Variants in ITGA8 observed in about 807,000 individuals in gnomAD.
The protein encoded by ITGA8 is integrin subunit alpha 8, also known as integrin alpha-8.
In ITGA8, 91 loss-of-function variants were observed where a neutral mutation model predicts 142.3. The ratio of observed to expected loss-of-function variants is 0.64; its 90% CI spans 0.54 to 0.76. The LOEUF is 0.76. Ranked by LOEUF, ITGA8 falls within the 30% of genes least tolerant of loss-of-function variation. The probability of loss-of-function intolerance (pLI) is 0.00; values close to 1 mark genes in which losing one functional copy is unlikely to be tolerated. For missense variants in ITGA8, 1,406 were observed against 1,327.7 expected, an observed-to-expected ratio of 1.06 and a Z score of -0.92; for synonymous variants, 505 against 485.2, an observed-to-expected ratio of 1.04 and a Z score of -0.54.
chr10:15,683,551 T>G (rs906461006), intron 4 of ITGA8, among the ~76,000 whole-genome samples: 1 of 152,140 alleles, frequency 6.6e-6, no homozygotes, highest in Non-Finnish European at 1.5e-5. Context: ...ATGCAGACAA[T>G]CTGCATACAC....
In ITGA8 at chr10:15,655,960, T is replaced by G. The variant is rs1467656066; in HGVS notation, c.949-554A>C. ...AGAATTAGCAGGGCATGGTGGCACG[T>G]GTAGTCCCAGCTAACTGTGGGGCTG... On this transcript the variant is annotated intron_variant, in intron 10 of 29. Coordinates refer to ENST00000378076, the MANE Select transcript of ITGA8 (RefSeq NM_003638.3). Among the ~76,000 whole-genome samples, 9 of 152,096 alleles carry G rather than the reference T, an allele frequency of 5.9e-5. No individual in the cohort carries two copies. In the East Asian group the frequency reaches 1.7e-3, roughly 29 times the overall value.
At chr10:15,634,574 C>T (rs2131637112) in intron 13 of ITGA8, among the ~76,000 whole-genome samples, 1 of 152,252 alleles carries the variant, frequency 6.6e-6, no homozygotes, top group Admixed American at 6.5e-5. Context: ...GTGCTGTATC[C>T]TCAACATCTA....
intron 20 of ITGA8, among the ~76,000 whole-genome samples, chr10:15,601,810 C>T (rs1460047215): frequency 6.6e-6 from 1 of 151,934 alleles, no homozygotes; most frequent in Non-Finnish European, 1.5e-5. Context: ...AATATTTTTC[C>T]CCTTGAGGAA....
chr10:15,541,229 C>T (rs1462997803), intron 27 of ITGA8, among the ~76,000 whole-genome samples: 1 of 151,888 alleles, frequency 6.6e-6, no homozygotes, highest in African/African-American at 2.4e-5. Flanking sequence ...CCCCTTTTTG[C>T]CACAAGCAGT....
At position 15,719,592 on chromosome 10, in the gene ITGA8, G is replaced by T; in HGVS notation, c.180C>A (p.Ala60=). ...GGGCGTCGGGTATGTGGAAGTCCAC[G>T]GCGTAGCCGAAGTAGCTGCCCTTGG... is the stretch of plus-strand genomic sequence containing the variant. ...SGPKGSYFGY[A]VDFHIPDART... The change falls in exon 1 of 30, where the codon GCC becomes GCA. Residue 60 remains alanine (A), a synonymous_variant. Transcript: ENST00000378076. 1.3e-6 allele frequency: 2 copies of T among 1,561,720 alleles called. No individual in the cohort carries two copies. Among genetic ancestry groups the T allele is most frequent in the Non-Finnish European group, 1.7e-6 (2 of 1,161,794 alleles).
intron 25 of ITGA8, among the ~76,000 whole-genome samples, chr10:15,570,346 G>C (rs554454257): frequency 5.1e-4 from 78 of 152,210 alleles, no homozygotes; most frequent in South Asian, 8.3e-4. Flanking sequence ...AGTGGCTCAC[G>C]CCTGTAATCC....
chr10:15,661,808 A>G (rs1038186221), intron 8 of ITGA8, among the ~76,000 whole-genome samples: 2 of 152,238 alleles, frequency 1.3e-5, no homozygotes, highest in East Asian at 3.9e-4. Flanking sequence ...CTCTTGAATC[A>G]TAAAACAGGG....
intron 25 of ITGA8, among the ~76,000 whole-genome samples, chr10:15,565,826 G>T (rs142572990): frequency 1.5e-3 from 228 of 152,000 alleles, no homozygotes; most frequent in African/African-American, 5.4e-3. Context: ...CTGACTTCAA[G>T]TGATCCTCCT....
chr10:15,599,657 A>G (rs1833067199), intron 20 of ITGA8, among the ~76,000 whole-genome samples: 1 of 152,076 alleles, frequency 6.6e-6, no homozygotes, highest in African/African-American at 2.4e-5. Context: ...ATGGTGGCTG[A>G]TATCTGTAAT....
At chr10:15,654,867 CA>C (rs1834153909) in intron 11 of ITGA8, among the ~76,000 whole-genome samples, 1 of 152,184 alleles carries the variant, frequency 6.6e-6, no homozygotes. Flanking sequence ...GACTTAAGCA[CA>C]ACCAAAATTC....
At chr10:15,705,918 G>C (rs145560987) in intron 2 of ITGA8, among the ~76,000 whole-genome samples, 1 of 152,164 alleles carries the variant, frequency 6.6e-6, no homozygotes, top group Admixed American at 6.5e-5. Flanking sequence ...GGTGCCCCAG[G>C]AGTCAATCTC....
intron 5 of ITGA8, 86 bp downstream of exon 5, chr10:15,678,635 TG>T: frequency 1.2e-6 from 1 of 809,984 alleles, no homozygotes; most frequent in South Asian, 1.5e-5. Context: ...TTGGTGGTGG[TG>T]GTGGTTTTGG....
intron 15 of ITGA8, 92 bp downstream of exon 15, chr10:15,613,568 C>G: frequency 1.1e-6 from 1 of 928,794 alleles, no homozygotes; most frequent in Non-Finnish European, 1.8e-6. Flanking sequence ...AGGCCCTACC[C>G]CAGACTTACT....
chr10:15,710,115 G>A (rs995745155), intron 2 of ITGA8, among the ~76,000 whole-genome samples: 1 of 151,572 alleles, frequency 6.6e-6, no homozygotes, highest in Non-Finnish European at 1.5e-5. Flanking sequence ...ATAAATACTT[G>A]TTCATGGTTT....
chr10:15,614,572 A>T (rs1183153636), intron 14 of ITGA8, among the ~76,000 whole-genome samples: 2 of 152,206 alleles, frequency 1.3e-5, no homozygotes, highest in African/African-American at 4.8e-5. Context: ...ACAAAACAAA[A>T]AAGTATTAAT....
rs1834682891 is a variant in ITGA8, at chr10:15,678,857, ATTATG to A, written c.569-79_569-75del. 4 of 893,524 alleles carry A rather than the reference ATTATG, an allele frequency of 4.5e-6. No homozygotes were observed. The South Asian group carries it at 6.5e-5, about 14-fold the overall frequency. 55.3% of individuals were successfully genotyped at this position (893,524 alleles called of 1,614,324 possible). A position where few individuals can be genotyped will look rare whatever the true frequency, so the allele number is the denominator to read the frequency against. The stretch of plus-strand genomic sequence containing the variant: ...TATTTTTTAATAACCAATTCAGGAT[ATTATG>A]TTATTTTCTCTAGAACCTTCTAAAT... On this transcript the variant is annotated intron_variant, in intron 4 of 29. Coordinates refer to ENST00000378076, the MANE Select transcript of ITGA8 (RefSeq NM_003638.3).
At chr10:15,525,819 A>G (rs1833163414) in intron 28 of ITGA8, among the ~76,000 whole-genome samples, 1 of 152,116 alleles carries the variant, frequency 6.6e-6, no homozygotes, top group African/African-American at 2.4e-5. Context: ...TAATGATTAA[A>G]CTATTATCAT....
chr10:15,581,517 C>T (rs1019158839), intron 23 of ITGA8, among the ~76,000 whole-genome samples: 1 of 152,064 alleles, frequency 6.6e-6, no homozygotes, highest in Non-Finnish European at 1.5e-5. Flanking sequence ...GAAGTTTTGA[C>T]CCTGAGGGTG....
chr10:15,707,099 A>T (rs1159123530), intron 2 of ITGA8, among the ~76,000 whole-genome samples: 1 of 152,094 alleles, frequency 6.6e-6, no homozygotes, highest in African/African-American at 2.4e-5. Flanking sequence ...TCTTGTGACC[A>T]CCTGTGGTAC....
Sources: gnomAD v4.1 joint callset for allele counts (sites outside exome capture counted in the v4.1 genomes callset) on GRCh38, gnomAD v4.1.1 for gene constraint, MANE v1.5 for transcripts, NCBI Gene and HGNC (gene_info 2026-07-23, HGNC 2026-07-21) for gene names.